UGT1A10: variants seen among roughly 807,000 people sequenced by gnomAD.
UGT1A10 encodes the protein UDP glucuronosyltransferase family 1 member A10, also known as UDP-glucuronosyltransferase 1A10.
UGT1A10 carries 49 observed loss-of-function variants against 45.8 expected under a neutral mutation model. The observed-to-expected ratio is 1.07, with a 90% CI of 0.85 to 1.36. The LOEUF is 1.36. UGT1A10 is among the 40% of genes most tolerant of loss of function. UGT1A10 has a pLI of 0.00. For missense variants in UGT1A10, 745 were observed against 668.6 expected (o/e 1.11, Z -1.26); for synonymous variants, 284 against 249.7 (o/e 1.14, Z -1.29).
At chr2:233,671,478 T>C (rs1021019712) in intron 1 of UGT1A10, among the ~76,000 whole-genome samples, 1 of 152,154 alleles carries the variant, frequency 6.6e-6, no homozygotes, top group Non-Finnish European at 1.5e-5. Context: ...AAGGGCCTTG[T>C]TTTCTTTGCT....
intron 1 of UGT1A10, among the ~76,000 whole-genome samples, chr2:233,688,923 A>C (rs1387131150): frequency 6.6e-6 from 1 of 152,104 alleles, no homozygotes; most frequent in Non-Finnish European, 1.5e-5. Context: ...CCAAGCAGGG[A>C]AGATGGCAGG....
chr2:233,660,895 A>G (rs987238751), intron 1 of UGT1A10, among the ~76,000 whole-genome samples: 3 of 152,074 alleles, frequency 2.0e-5, no homozygotes, highest in African/African-American at 4.8e-5. Flanking sequence ...GAGATTTTTA[A>G]AGTCAAACCT....
At chr2:233,671,939 C>T (rs765392612) in intron 1 of UGT1A10, 9 of 1,608,192 alleles carry the variant, frequency 5.6e-6, no homozygotes, top group Non-Finnish European at 6.8e-6. Flanking sequence ...TCTCTGATGG[C>T]TTGCACAGGG....
intron 2 of UGT1A10, 137 bp downstream of exon 2, chr2:233,767,302 A>C (rs951994488): frequency 6.5e-7 from 1 of 1,534,936 alleles, no homozygotes; most frequent in Non-Finnish European, 8.7e-7. Context: ...TATTAATCCA[A>C]AGGTTTTTTT....
chr2:233,669,437 T>C (rs765472226), intron 1 of UGT1A10, among the ~76,000 whole-genome samples: 2 of 152,226 alleles, frequency 1.3e-5, no homozygotes, highest in African/African-American at 2.4e-5. Flanking sequence ...TTGAGTTTTC[T>C]GATTCATGAA....
intron 1 of UGT1A10, chr2:233,692,374 T>C (rs932827804): frequency 6.5e-6 from 1 of 155,020 alleles, no homozygotes. Flanking sequence ...TAGCAAATGA[T>C]TGACTCCAAG....
intron 1 of UGT1A10, among the ~76,000 whole-genome samples, chr2:233,676,487 G>T (rs986266023): frequency 5.3e-5 from 8 of 152,174 alleles, no homozygotes; most frequent in Non-Finnish European, 5.9e-5. Flanking sequence ...GACGCATAAT[G>T]ATGAGCTAAA....
intron 1 of UGT1A10, among the ~76,000 whole-genome samples, chr2:233,690,222 A>G (rs186442417): frequency 7.9e-5 from 12 of 152,318 alleles, no homozygotes; most frequent in African/African-American, 2.2e-4. Context: ...CCATTTTAGT[A>G]TTCTAGATTC....
At chr2:233,706,491 C>T (rs1051285844) in intron 1 of UGT1A10, among the ~76,000 whole-genome samples, 1 of 152,182 alleles carries the variant, frequency 6.6e-6, no homozygotes, top group Non-Finnish European at 1.5e-5. Context: ...TGAGGGTGTC[C>T]AGGCTGGTGT....
intron 1 of UGT1A10, chr2:233,713,759 G>T: frequency 6.2e-7 from 1 of 1,613,990 alleles, no homozygotes; most frequent in South Asian, 1.1e-5. Flanking sequence ...CTGTGTGGCT[G>T]TTCCGAGGGG....
chr2:233,718,208 A>C (rs934013354), intron 1 of UGT1A10, among the ~76,000 whole-genome samples: 2 of 152,102 alleles, frequency 1.3e-5, no homozygotes, highest in Non-Finnish European at 2.9e-5. Context: ...TTTTTTTTAT[A>C]TTGACAGCCA....
chr2:233,719,816 T>C (rs2076805774), intron 1 of UGT1A10: 21 of 1,580,710 alleles, frequency 1.3e-5, no homozygotes, highest in Non-Finnish European at 1.8e-5. Flanking sequence ...TTATAACAGA[T>C]AAACTGTTGA....
At chr2:233,732,416 TTTC>T (rs1325833889) in intron 1 of UGT1A10, among the ~76,000 whole-genome samples, 1 of 152,362 alleles carries the variant, frequency 6.6e-6, no homozygotes, top group East Asian at 1.9e-4. Context: ...TTGCCTAGGT[TTTC>T]TTCTAGGATT....
chr2:233,716,179 G>A (rs1395274719), intron 1 of UGT1A10, among the ~76,000 whole-genome samples: 1 of 152,128 alleles, frequency 6.6e-6, no homozygotes, highest in Non-Finnish European at 1.5e-5. Flanking sequence ...GCATCTTCAA[G>A]TCTCTAATTC....
Position 233,639,724 on chromosome 2 carries a change from T to C in UGT1A10, c.855+2347T>C, listed in dbSNP as rs45535236. On this transcript the variant is annotated intron_variant, in intron 1 of 4. Coordinates refer to ENST00000344644, the MANE Select transcript of UGT1A10 (RefSeq NM_019075.4). ...TCCAGGAGAATTACAGCCAGGGATG[T>C]AATTAAATACTTTAACAATGATGGC... Among the ~76,000 whole-genome samples, 167 of 152,328 alleles carry C rather than the reference T, an allele frequency of 1.1e-3. 1 individual carries two copies. Among genetic ancestry groups the C allele is most frequent in the African/African-American group, 3.9e-3 (162 of 41,578 alleles).
Position 233,729,835 on chromosome 2 carries a change from G to A in UGT1A10, c.856-37199G>A, listed in dbSNP as rs530955113. On this transcript the variant is annotated intron_variant, in intron 1 of 4. Coordinates refer to ENST00000344644, the MANE Select transcript of UGT1A10 (RefSeq NM_019075.4). Reference sequence around the variant, plus strand: ...TGCTCCTTATGCAAGCCTTGCCTCTGAGCTTTTTCAGAGAGAGGTGTCAGT... The same window carrying A: ...TGCTCCTTATGCAAGCCTTGCCTCTAAGCTTTTTCAGAGAGAGGTGTCAGT... 4.0e-5 allele frequency: 65 copies of A among 1,613,870 alleles called. 1 individual carries two copies. In the South Asian group the frequency reaches 7.0e-4, roughly 17 times the overall value.
chr2:233,642,654 T>C (rs2125465221), intron 1 of UGT1A10, among the ~76,000 whole-genome samples: 1 of 152,334 alleles, frequency 6.6e-6, no homozygotes, highest in South Asian at 2.1e-4. Context: ...TTTGTAGCCG[T>C]CCTTCTTGGA....
In UGT1A10 at chr2:233,637,222, A is replaced by T. The variant is rs1216379906; in HGVS notation, c.700A>T (p.Ile234Phe). 3 of 1,613,852 alleles carry T rather than the reference A, an allele frequency of 1.9e-6. No homozygotes were observed. The highest frequency in any genetic ancestry group is 1.7e-5 in the Admixed American group (1 of 59,998). ...AAATGCCCTAGAAATAGCCTCTGAA[A>T]TTCTCCAAACCCCTGTCACGGCATA... ...FRNALEIASE[I>F]LQTPVTAYDL... The change falls in exon 1 of 5, where the codon ATT becomes TTT. Residue 234 changes from isoleucine (I) to phenylalanine (F), a missense_variant. Coordinates refer to ENST00000344644, the MANE Select transcript of UGT1A10 (RefSeq NM_019075.4).
chr2:233,755,297 AC>A (rs1695850513), intron 1 of UGT1A10: 1 of 623,324 alleles, frequency 1.6e-6, no homozygotes, highest in Admixed American at 3.1e-5. Context: ...CCTGCGGGGC[AC>A]TGGCACAGCG....
Sources: allele counts gnomAD v4.1 joint callset (sites outside exome capture counted in the v4.1 genomes callset), GRCh38; gene constraint gnomAD v4.1.1; transcripts MANE v1.5; gene names NCBI Gene and HGNC (gene_info 2026-07-23, HGNC 2026-07-21).